The following GRB10 variants were observed in gnomAD, a reference collection of about 807,000 sequenced individuals.
GRB10 encodes the protein growth factor receptor-bound protein 10.
A neutral mutation model predicts 80.9 loss-of-function variants in GRB10; 20 were observed. The observed-to-expected ratio is 0.25, with a 90% CI of 0.17 to 0.36. GRB10 has a LOEUF of 0.36. GRB10 is among the 10% of genes least tolerant of loss of function. The probability of loss-of-function intolerance (pLI) is 1.00; values close to 1 mark genes in which losing one functional copy is unlikely to be tolerated. For synonymous variants in GRB10, 291 were observed against 291.5 expected (o/e 1.00, Z 0.02); for missense variants, 548 against 747.7 (o/e 0.73, Z 3.12).
intron 4 of GRB10, among the ~76,000 whole-genome samples, chr7:50,726,332 G>A (rs1032602633): frequency 6.6e-5 from 10 of 151,992 alleles, no homozygotes; most frequent in African/African-American, 1.5e-4. Flanking sequence ...CGGGAGGTGG[G>A]GGTTGCAGTG....
chr7:50,771,024 A>C (rs1273279884), intron 2 of GRB10, among the ~76,000 whole-genome samples: 1 of 148,574 alleles, frequency 6.7e-6, no homozygotes, highest in Non-Finnish European at 1.5e-5. Flanking sequence ...CCAGGACTTC[A>C]ATGTGCCCTG....
chr7:50,757,022 T>C (rs1162261746), intron 2 of GRB10, among the ~76,000 whole-genome samples: 2 of 152,138 alleles, frequency 1.3e-5, no homozygotes, highest in Non-Finnish European at 2.9e-5. Flanking sequence ...ATTTTCCTAA[T>C]TGTTAAACGG....
chr7:50,598,681 G>A (rs7778258), intron 17 of GRB10, among the ~76,000 whole-genome samples: 35,289 of 152,214 alleles, frequency 0.23, 4,897 homozygotes, highest in East Asian at 0.48. Flanking sequence ...GCCAGTCATG[G>A]AGGAGTTCCT....
chr7:50,701,379 T>C (rs939040574), intron 5 of GRB10, among the ~76,000 whole-genome samples: 1 of 152,074 alleles, frequency 6.6e-6, no homozygotes, highest in African/African-American at 2.4e-5. Context: ...GGAGGATAGC[T>C]TGGGGAGTTC....
At chr7:50,656,446 T>G (rs144568018) in intron 7 of GRB10, among the ~76,000 whole-genome samples, 1 of 152,234 alleles carries the variant, frequency 6.6e-6, no homozygotes, top group African/African-American at 2.4e-5. Context: ...GTGGTGACTA[T>G]GCAGTAGCCT....
chr7:50,681,156 A>C (rs747285318), intron 5 of GRB10, among the ~76,000 whole-genome samples: 1 of 152,272 alleles, frequency 6.6e-6, no homozygotes, highest in Admixed American at 6.5e-5. Flanking sequence ...GCAACTAAGA[A>C]GCGACTGAGA....
At chr7:50,604,120 G>A in intron 16 of GRB10, 35 bp from the exon 17 acceptor site, 1 of 1,553,564 alleles carries the variant, frequency 6.4e-7, no homozygotes, top group Non-Finnish European at 8.9e-7. Flanking sequence ...GTAGGATGGT[G>A]GTGCCTCTGC....
intron 10 of GRB10, among the ~76,000 whole-genome samples, chr7:50,617,485 G>C (rs2050864254): frequency 6.6e-6 from 1 of 152,198 alleles, no homozygotes; most frequent in East Asian, 1.9e-4. Flanking sequence ...GAGTGTGTGT[G>C]AGAGCTGGGC....
intron 9 of GRB10, among the ~76,000 whole-genome samples, 189 bp downstream of exon 9, chr7:50,618,981 C>T (rs139061685): frequency 3.9e-5 from 6 of 152,328 alleles, no homozygotes; most frequent in East Asian, 3.9e-4. Context: ...GCCAGTCCCA[C>T]GCACATTTAG....
chr7:50,654,863 A>G (rs1027580404), intron 7 of GRB10, among the ~76,000 whole-genome samples: 2 of 152,208 alleles, frequency 1.3e-5, no homozygotes, highest in African/African-American at 2.4e-5. Flanking sequence ...CTACAGTACA[A>G]TGATCAAAAT....
intron 4 of GRB10, among the ~76,000 whole-genome samples, chr7:50,721,230 T>C (rs2067681373): frequency 6.6e-6 from 1 of 152,202 alleles, no homozygotes; most frequent in Non-Finnish European, 1.5e-5. Context: ...AAATGGACAA[T>C]TCCAGAAATA....
chr7:50,675,674 A>AT (rs1212062230), intron 5 of GRB10, among the ~76,000 whole-genome samples: 1 of 152,138 alleles, frequency 6.6e-6, no homozygotes, highest in East Asian at 1.9e-4. Flanking sequence ...TGCCCTGCAG[A>AT]TTTTGGACTT....
At chr7:50,778,156 C>A (rs937210429) in intron 2 of GRB10, among the ~76,000 whole-genome samples, 5 of 152,326 alleles carry the variant, frequency 3.3e-5, no homozygotes, top group Non-Finnish European at 7.3e-5. Flanking sequence ...AAATTTGGAA[C>A]CACCATAGTC....
intron 3 of GRB10, among the ~76,000 whole-genome samples, chr7:50,752,720 A>C (rs2074335823): frequency 6.6e-6 from 1 of 152,208 alleles, no homozygotes; most frequent in African/African-American, 2.4e-5. Flanking sequence ...TCCACAGGCC[A>C]AGAGCAGGAG....
chr7:50,648,351 G>C (rs1293504880), intron 7 of GRB10, among the ~76,000 whole-genome samples: 1 of 152,132 alleles, frequency 6.6e-6, no homozygotes, highest in Non-Finnish European at 1.5e-5. Context: ...CACCCTGATG[G>C]GAACAAGTGG....
intron 7 of GRB10, among the ~76,000 whole-genome samples, chr7:50,652,574 AAG>A (rs1563301149): frequency 6.6e-6 from 1 of 151,958 alleles, no homozygotes; most frequent in African/African-American, 2.4e-5. Flanking sequence ...TCACCAGAGA[AAG>A]AGACAAGCCA....
At position 50,674,425 on chromosome 7, in the gene GRB10, C is replaced by G; in HGVS notation, c.362+11G>C. Reference sequence around the variant, plus strand: ...CTTGGAGAAGGCTCTGCCCATAAGGCCTGGACCTACCTGACAGCGAGGATG... The same window carrying G: ...CTTGGAGAAGGCTCTGCCCATAAGGGCTGGACCTACCTGACAGCGAGGATG... On this transcript the variant is annotated intron_variant, in intron 6 of 18. Coordinates refer to ENST00000401949, the MANE Select transcript of GRB10 (RefSeq NM_001350814.2). 1 of 1,601,926 alleles carries G rather than the reference C, an allele frequency of 6.2e-7. No individual in the cohort carries two copies. Among genetic ancestry groups the G allele is most frequent in the Non-Finnish European group, 8.5e-7 (1 of 1,179,650 alleles).
intron 4 of GRB10, among the ~76,000 whole-genome samples, chr7:50,707,483 C>T (rs1318037609): frequency 6.6e-6 from 1 of 152,250 alleles, no homozygotes. Flanking sequence ...AACGTGTTTT[C>T]TCATCAGCAG....
chr7:50,702,324 T>A (rs1000524174), intron 5 of GRB10, among the ~76,000 whole-genome samples: 1 of 152,222 alleles, frequency 6.6e-6, no homozygotes, highest in Non-Finnish European at 1.5e-5. Context: ...GCTTCCCCAG[T>A]CACTGCCGGA....
Sources: gnomAD v4.1 joint callset for allele counts (sites outside exome capture counted in the v4.1 genomes callset) on GRCh38, gnomAD v4.1.1 for gene constraint, MANE v1.5 for transcripts, NCBI Gene and HGNC (gene_info 2026-07-23, HGNC 2026-07-21) for gene names.